The following GALNT16 variants were observed in gnomAD, a reference collection of about 807,000 sequenced individuals.
GALNT16 encodes polypeptide N-acetylgalactosaminyltransferase 16.
In GALNT16, 40 loss-of-function variants were observed where a neutral mutation model predicts 76.1. The observed-to-expected ratio is 0.53, with a 90% CI of 0.41 to 0.68. The LOEUF is 0.68. Among genes scored for constraint, GALNT16 ranks in the 30% least tolerant of loss-of-function variants. The pLI, the probability that GALNT16 is intolerant of heterozygous loss-of-function variation, is 0.00. For synonymous variants in GALNT16, 276 were observed against 285.2 expected (o/e 0.97, Z 0.32); for missense variants, 621 against 731.9 (o/e 0.85, Z 1.75).
intron 1 of GALNT16, among the ~76,000 whole-genome samples, chr14:69,308,688 C>T (rs1336144125): frequency 6.6e-6 from 1 of 152,162 alleles, no homozygotes; most frequent in Non-Finnish European, 1.5e-5. Context: ...AATCTATTGC[C>T]TAAACCAGGA....
chr14:69,276,664 G>T (rs892719904), intron 1 of GALNT16, among the ~76,000 whole-genome samples: 4 of 145,078 alleles, frequency 2.8e-5, no homozygotes, highest in Non-Finnish European at 6.0e-5. Context: ...CTGGGCAACA[G>T]AGTGAGACTC....
chr14:69,334,641 G>T (rs1400581338), intron 9 of GALNT16, among the ~76,000 whole-genome samples: 1 of 152,176 alleles, frequency 6.6e-6, no homozygotes, highest in African/African-American at 2.4e-5. Flanking sequence ...GACAGGGTGA[G>T]GGAGCACCCC....
chr14:69,265,613 T>C (rs2044332764), intron 1 of GALNT16, among the ~76,000 whole-genome samples: 1 of 152,242 alleles, frequency 6.6e-6, no homozygotes, highest in Non-Finnish European at 1.5e-5. Context: ...ATTTATACCC[T>C]GTCTGCTTCT....
Position 69,302,300 on chromosome 14 carries a change from A to G in GALNT16, c.178-18411A>G, listed in dbSNP as rs185644695. 3.6e-3 allele frequency among the ~76,000 whole-genome samples: 552 copies of G among 152,284 alleles called. 6 individuals are homozygous for G. Among genetic ancestry groups the G allele is most frequent in the African/African-American group, 0.013 (524 of 41,558 alleles). ...TCTTCCAAAAATCACCTATAATCCC[A>G]GCACCCAGAAATAATAACTGTTTTT... On this transcript the variant is annotated intron_variant, in intron 1 of 14. Coordinates refer to ENST00000448469, the MANE Select transcript of GALNT16 (RefSeq NM_001168368.2).
intron 12 of GALNT16, among the ~76,000 whole-genome samples, chr14:69,344,963 G>A (rs2140196954): frequency 6.6e-6 from 1 of 152,292 alleles, no homozygotes; most frequent in East Asian, 1.9e-4. Flanking sequence ...TGGTCAGGCA[G>A]GTGATGTCAA....
chr14:69,297,233 C>T (rs942833723), intron 1 of GALNT16, among the ~76,000 whole-genome samples: 2 of 152,158 alleles, frequency 1.3e-5, no homozygotes, highest in Non-Finnish European at 2.9e-5. Context: ...CTTTGGCGGT[C>T]GTATCGATTG....
chr14:69,358,055 G>C (rs550898141), downstream of GALNT16: 1 of 152,420 alleles, frequency 6.6e-6, no homozygotes, highest in African/African-American at 2.4e-5. Context: ...ACTTCCCCAG[G>C]AGCCAGAAGA....
chr14:69,275,747 C>A lies in GALNT16; in HGVS notation c.177+15280C>A, dbSNP rs1485780706. Among the ~76,000 whole-genome samples, 10 of 152,318 alleles carry A rather than the reference C, an allele frequency of 6.6e-5. No individual in the cohort carries two copies. The East Asian group carries it at 1.9e-3, about 29-fold the overall frequency. ...GGTGGCATGCACCGAGTAGTCCCAG[C>A]TACTCTGGAGGCTGAAGTGGGAAGA... On this transcript the variant is annotated intron_variant, in intron 1 of 14. Transcript: ENST00000448469.
the GALNT16 span, among the ~76,000 whole-genome samples, chr14:69,367,610 A>G: frequency 6.6e-6 from 1 of 150,514 alleles, no homozygotes; most frequent in African/African-American, 2.4e-5. Context: ...AGTGATAGAG[A>G]GCTTCAAGAA....
At chr14:69,281,718 G>A (rs879879721) in intron 1 of GALNT16, among the ~76,000 whole-genome samples, 2 of 152,138 alleles carry the variant, frequency 1.3e-5, no homozygotes, top group Non-Finnish European at 2.9e-5. Context: ...GAACTCTGAC[G>A]TCAGCCTTTC....
At chr14:69,323,598 C>T (rs944555259) in intron 2 of GALNT16, among the ~76,000 whole-genome samples, 4 of 152,204 alleles carry the variant, frequency 2.6e-5, no homozygotes, top group Non-Finnish European at 5.9e-5. Flanking sequence ...ACTCCCTCCC[C>T]CACAATTCAT....
the GALNT16 span, among the ~76,000 whole-genome samples, chr14:69,370,850 CCTCCAT>C: frequency 6.6e-6 from 1 of 152,168 alleles, no homozygotes; most frequent in Admixed American, 6.5e-5. Context: ...TCTCCTTTGC[CCTCCAT>C]CTCCAACAGG....
intron 1 of GALNT16, among the ~76,000 whole-genome samples, chr14:69,270,934 C>T (rs936781980): frequency 1.7e-5 from 2 of 120,600 alleles, no homozygotes; most frequent in East Asian, 2.9e-4. Flanking sequence ...CCACAAATAC[C>T]GCACCAACCT....
chr14:69,315,174 G>C (rs1170065766), intron 1 of GALNT16, among the ~76,000 whole-genome samples: 1 of 152,132 alleles, frequency 6.6e-6, no homozygotes, highest in East Asian at 1.9e-4. Context: ...AAAAAAAACT[G>C]AAGCAAGTTA....
chr14:69,320,092 CA>C (rs373912520), intron 1 of GALNT16, among the ~76,000 whole-genome samples: 9 of 152,156 alleles, frequency 5.9e-5, no homozygotes, highest in African/African-American at 1.4e-4. Context: ...CTCACCCCCC[CA>C]ATATCCCGCA....
At chr14:69,361,793 G>A (rs2045725904), downstream of GALNT16, among the ~76,000 whole-genome samples, 2 of 152,126 alleles carry the variant, frequency 1.3e-5, no homozygotes, top group African/African-American at 4.8e-5. Flanking sequence ...GATCACCTGA[G>A]GTCAGGAGTT....
the GALNT16 span, among the ~76,000 whole-genome samples, chr14:69,374,336 T>C: frequency 6.6e-6 from 1 of 152,244 alleles, no homozygotes; most frequent in Non-Finnish European, 1.5e-5. Flanking sequence ...CTTCATGTAC[T>C]AAAGTTTATG....
At chr14:69,289,996 C>T (rs2044668964) in intron 1 of GALNT16, among the ~76,000 whole-genome samples, 1 of 152,124 alleles carries the variant, frequency 6.6e-6, no homozygotes, top group South Asian at 2.1e-4. Flanking sequence ...GCCTCGGCCT[C>T]CCAAAGTGCT....
the GALNT16 span, among the ~76,000 whole-genome samples, chr14:69,382,290 A>C: frequency 2.0e-5 from 3 of 152,250 alleles, no homozygotes; most frequent in Non-Finnish European, 4.4e-5. Flanking sequence ...TCTAAAATTT[A>C]ATTTTTTCTG....
Sources: allele counts gnomAD v4.1 joint callset (sites outside exome capture counted in the v4.1 genomes callset), GRCh38; gene constraint gnomAD v4.1.1; transcripts MANE v1.5; gene names NCBI Gene and HGNC (gene_info 2026-07-23, HGNC 2026-07-21).